Variants in FOXP1 observed in about 807,000 individuals in gnomAD.
The protein encoded by FOXP1 is forkhead box protein P1.
Under a neutral mutation model 98.2 loss-of-function variants are expected in FOXP1, and 15 were observed. The ratio of observed to expected loss-of-function variants is 0.15; its 90% CI spans 0.10 to 0.24. FOXP1 has a LOEUF of 0.24. FOXP1 is among the 10% of genes least tolerant of loss of function. The pLI is 1.00. For synonymous variants in FOXP1, 371 were observed against 314.5 expected, an observed-to-expected ratio of 1.18 and a Z score of -1.90; for missense variants, 633 against 848.5, an observed-to-expected ratio of 0.75 and a Z score of 3.15.
intron 4 of FOXP1, among the ~76,000 whole-genome samples, chr3:71,348,612 G>A (rs1365676791): frequency 6.6e-6 from 1 of 151,724 alleles, no homozygotes; most frequent in Admixed American, 6.6e-5. Flanking sequence ...GTATGTGTGT[G>A]CACACGCATA....
chr3:71,552,237 T>C (rs1365708541), intron 2 of FOXP1, among the ~76,000 whole-genome samples: 1 of 152,300 alleles, frequency 6.6e-6, no homozygotes, highest in South Asian at 2.1e-4. Context: ...CTATCAGATG[T>C]CAAATTTCTT....
chr3:71,501,620 A>C (rs977061264), intron 2 of FOXP1, among the ~76,000 whole-genome samples: 17 of 152,202 alleles, frequency 1.1e-4, no homozygotes, highest in Non-Finnish European at 2.5e-4. Flanking sequence ...TTGAACAACA[A>C]CATGACCTTT....
intron 3 of FOXP1, among the ~76,000 whole-genome samples, chr3:71,362,347 A>G (rs969634172): frequency 1.3e-5 from 2 of 151,676 alleles, no homozygotes; most frequent in African/African-American, 4.9e-5. Flanking sequence ...AATTTTTTGT[A>G]TTTTTAGTAG....
At chr3:71,424,197 C>T (rs887697849) in intron 3 of FOXP1, among the ~76,000 whole-genome samples, 8 of 152,166 alleles carry the variant, frequency 5.3e-5, no homozygotes, top group Non-Finnish European at 7.4e-5. Flanking sequence ...GTCTCACCAG[C>T]AGCAAGAAGG....
At chr3:71,291,075 T>C (rs551997607) in intron 5 of FOXP1, among the ~76,000 whole-genome samples, 2 of 152,292 alleles carry the variant, frequency 1.3e-5, no homozygotes, top group South Asian at 2.1e-4. Context: ...GTGACCTCCC[T>C]TATCCTTTTA....
Position 71,050,389 on chromosome 3 carries a change from C to T in FOXP1, c.510+2148G>A, listed in dbSNP as rs539089719. Reference sequence around the variant, plus strand: ...AAGAAGTGGCAACAGAAAGGAAAAACGCAATCCCTGGTAACTGATAAGAAT... The same window carrying T: ...AAGAAGTGGCAACAGAAAGGAAAAATGCAATCCCTGGTAACTGATAAGAAT... On this transcript the variant is annotated intron_variant, in intron 9 of 20. Coordinates refer to ENST00000649528, the MANE Select transcript of FOXP1 (RefSeq NM_001349338.3). Among the ~76,000 whole-genome samples the T allele has an allele frequency of 9.9e-5, 15 of 152,246 alleles. No homozygotes were observed. The East Asian group carries it at 2.1e-3, about 22-fold the overall frequency.
chr3:71,087,430 A>C (rs898972663), intron 7 of FOXP1, among the ~76,000 whole-genome samples: 1 of 152,244 alleles, frequency 6.6e-6, no homozygotes, highest in Non-Finnish European at 1.5e-5. Flanking sequence ...ATCGAGCCGC[A>C]TCAGAGGTAC....
At chr3:71,248,680 G>T (rs2107014509) in intron 5 of FOXP1, among the ~76,000 whole-genome samples, 1 of 151,334 alleles carries the variant, frequency 6.6e-6, no homozygotes, top group East Asian at 1.9e-4. Flanking sequence ...GGCGGAGCTT[G>T]CAGTGAGCCG....
chr3:71,460,548 T>G (rs2108536196), intron 3 of FOXP1, among the ~76,000 whole-genome samples: 1 of 152,218 alleles, frequency 6.6e-6, no homozygotes, highest in South Asian at 2.1e-4. Flanking sequence ...GGAATTCTCT[T>G]GCCTCAGCCT....
intron 6 of FOXP1, among the ~76,000 whole-genome samples, chr3:71,192,229 C>T (rs1463959011): frequency 1.3e-5 from 2 of 152,196 alleles, no homozygotes; most frequent in African/African-American, 4.8e-5. Flanking sequence ...TCATAAGCCA[C>T]CTTTTTCAAA....
chr3:71,326,044 A>AT (rs2107691126), intron 4 of FOXP1, among the ~76,000 whole-genome samples: 1 of 152,234 alleles, frequency 6.6e-6, no homozygotes, highest in Admixed American at 6.5e-5. Context: ...TTTGGCGTGC[A>AT]TATTACTCTC....
At chr3:71,490,515 A>T (rs548254512) in intron 3 of FOXP1, among the ~76,000 whole-genome samples, 1 of 151,620 alleles carries the variant, frequency 6.6e-6, no homozygotes, top group African/African-American at 2.4e-5. Flanking sequence ...AAAAAATGGG[A>T]GGAGAATAGA....
chr3:71,291,209 C>A (rs926601385), intron 5 of FOXP1, among the ~76,000 whole-genome samples: 1 of 152,338 alleles, frequency 6.6e-6, no homozygotes, highest in Admixed American at 6.5e-5. Context: ...TCCAGCAACA[C>A]TGTCTAATAG....
At chr3:71,047,130 A>G in intron 9 of FOXP1, 35 bp from the exon 10 acceptor site, 1 of 1,613,256 alleles carries the variant, frequency 6.2e-7, no homozygotes, top group Non-Finnish European at 8.5e-7. Flanking sequence ...TGAGATGGCC[A>G]CTTCCCAAGG....
At chr3:71,167,273 G>T in intron 6 of FOXP1, among the ~76,000 whole-genome samples, 1 of 152,130 alleles carries the variant, frequency 6.6e-6, no homozygotes, top group Non-Finnish European at 1.5e-5. Context: ...GATTATAAAA[G>T]TTCCCTTGAT....
intron 2 of FOXP1, among the ~76,000 whole-genome samples, chr3:71,500,344 A>G (rs2041244467): frequency 6.6e-6 from 1 of 152,196 alleles, no homozygotes; most frequent in Non-Finnish European, 1.5e-5. Context: ...TGAATATTCC[A>G]TGTGAAACTC....
intron 7 of FOXP1, among the ~76,000 whole-genome samples, chr3:71,098,361 G>C (rs960486117): frequency 6.6e-6 from 1 of 152,048 alleles, no homozygotes; most frequent in Non-Finnish European, 1.5e-5. Context: ...TACCTTAAAT[G>C]GATTAGCAAA....
intron 3 of FOXP1, among the ~76,000 whole-genome samples, chr3:71,445,719 C>G (rs1243004916): frequency 6.8e-6 from 1 of 146,546 alleles, no homozygotes; most frequent in Non-Finnish European, 1.5e-5. Flanking sequence ...TGGAGTTTCA[C>G]TCTTGTTGCC....
chr3:71,232,208 A>T (rs879286832), intron 5 of FOXP1, among the ~76,000 whole-genome samples: 1 of 152,262 alleles, frequency 6.6e-6, no homozygotes, highest in Non-Finnish European at 1.5e-5. Context: ...ATATCTCATC[A>T]GCCAATTTCA....
Sources: gnomAD v4.1 joint callset for allele counts (sites outside exome capture counted in the v4.1 genomes callset) on GRCh38, gnomAD v4.1.1 for gene constraint, MANE v1.5 for transcripts, NCBI Gene and HGNC (gene_info 2026-07-23, HGNC 2026-07-21) for gene names.